B3GAT1: variants seen among roughly 807,000 people sequenced by gnomAD.
The protein encoded by B3GAT1 is beta-1,3-glucuronyltransferase 1.
In B3GAT1, 11 loss-of-function variants were observed where a neutral mutation model predicts 28.4. The ratio of observed to expected loss-of-function variants is 0.39; its 90% confidence interval spans 0.24 to 0.64. The LOEUF (loss-of-function observed/expected upper bound fraction) is 0.64, where lower values mean the gene tolerates loss of function less well. Among genes scored for constraint, B3GAT1 ranks in the 30% least tolerant of loss-of-function variants. The pLI is 0.50. For missense variants in B3GAT1, 375 were observed against 491.0 expected, an observed-to-expected ratio of 0.76 and a Z score of 2.23; for synonymous variants, 255 against 223.1, an observed-to-expected ratio of 1.14 and a Z score of -1.27.
intron 2 of B3GAT1, 128 bp from the exon 3 acceptor site, chr11:134,384,316 C>T (rs1944223263): frequency 8.0e-7 from 1 of 1,253,946 alleles, no homozygotes; most frequent in African/African-American, 1.5e-5. Context: ...CTCAGACCCC[C>T]GCCTTGCCTG....
rs547760357 is a variant in B3GAT1 at position 134,396,392 on chromosome 11, C to T, written c.-281-8452G>A. Among the ~76,000 whole-genome samples the T allele has an allele frequency of 4.6e-5, 7 of 152,278 alleles. No individual in the cohort carries two copies. In the South Asian group the frequency reaches 1.5e-3, roughly 32 times the overall value. Reference sequence around the variant, plus strand: ...AGCCACAGTCATAGCCTTCTGCCACCCCCCTGCCACCACCTCTTTGCTCTC... The same window carrying T: ...AGCCACAGTCATAGCCTTCTGCCACTCCCCTGCCACCACCTCTTTGCTCTC... On this transcript the variant is annotated intron_variant, in intron 1 of 5. Coordinates refer to ENST00000312527, the MANE Select transcript of B3GAT1 (RefSeq NM_054025.3).
intron 2 of B3GAT1, chr11:134,384,775 G>A (rs1054540570): frequency 2.0e-5 from 3 of 152,512 alleles, no homozygotes; most frequent in Admixed American, 2.0e-4. Flanking sequence ...CTGAATCTCG[G>A]TGCAGAACTT....
rs1156967338 is a variant in B3GAT1 at position 134,381,683 on chromosome 11, G to C, written c.*14+241C>G. On this transcript the variant is annotated intron_variant, in intron 5 of 5. Transcript: ENST00000312527. ...AGAAAAATCAGCAAGATGTTTGGAA[G>C]GTGACACCCTCTGAAGAGTCTGGTG... 7 of 490,048 alleles carry C rather than the reference G, an allele frequency of 1.4e-5. No homozygotes were observed. In the Admixed American group the frequency reaches 2.4e-4, roughly 17 times the overall value. 30.4% of individuals were successfully genotyped at this position (490,048 alleles called of 1,614,324 possible).
At position 134,412,208 on chromosome 11, in the gene B3GAT1, G is replaced by C. The variant is rs1460303788; in HGVS notation, c.-683C>G. Among the ~76,000 whole-genome samples the C allele has an allele frequency of 6.9e-6, 1 of 145,422 alleles. No homozygotes were observed. The highest frequency in any genetic ancestry group is 1.5e-5 in the Non-Finnish European group (1 of 65,474). ...GACCGGGCCGGCGCAGAGTCCCCGA[G>C]GTGGCGGCGGATGCGCCGGTGCCGC... On this transcript the variant is annotated 5_prime_UTR_variant, in exon 1 of 6. Coordinates refer to ENST00000312527, the MANE Select transcript of B3GAT1 (RefSeq NM_054025.3).
At chr11:134,398,442 A>AC (rs1421503735) in intron 1 of B3GAT1, among the ~76,000 whole-genome samples, 1 of 150,854 alleles carries the variant, frequency 6.6e-6, no homozygotes, top group African/African-American at 2.5e-5. Flanking sequence ...CTGCTCCTAA[A>AC]CCTACTAAAC....
At chr11:134,382,148 A>C (rs554274800) in intron 4 of B3GAT1, 124 bp from the exon 5 acceptor site, 2 of 745,642 alleles carry the variant, frequency 2.7e-6, no homozygotes, top group Non-Finnish European at 4.5e-6. Flanking sequence ...AGAGTTTTTC[A>C]ATTGTTCCAT....
Position 134,382,283 on chromosome 11 carries a change from A to G in B3GAT1, c.919-259T>C, listed in dbSNP as rs369614033. ...AAATGGGAAGTCTAGAACTACAGAAAAGAGAAGCCCCAAGACTTCCCAAGT... is the reference window on the plus strand; with the variant it reads ...AAATGGGAAGTCTAGAACTACAGAAGAGAGAAGCCCCAAGACTTCCCAAGT... On this transcript the variant is annotated intron_variant, in intron 4 of 5. Transcript: ENST00000312527. Among the ~76,000 whole-genome samples, 23 of 150,698 alleles carry G rather than the reference A, an allele frequency of 1.5e-4. No homozygotes were observed. In the East Asian group the frequency reaches 2.8e-3, roughly 18 times the overall value.
chr11:134,411,195 G>A lies in B3GAT1; in HGVS notation c.-282+612C>T, dbSNP rs2014799169. Among the ~76,000 whole-genome samples the A allele has an allele frequency of 6.6e-6, 1 of 152,164 alleles. No homozygotes were observed. Among genetic ancestry groups the A allele is most frequent in the African/African-American group, 2.4e-5 (1 of 41,428 alleles). ...GAAGTTGTGTGCTCTGACTTTGGAG[G>A]GATTGGGACCTCAGACCTGAGCCCA... On this transcript the variant is annotated intron_variant, in intron 1 of 5. Coordinates refer to ENST00000312527, the MANE Select transcript of B3GAT1 (RefSeq NM_054025.3). The surrounding 1 kb of genome is among the most constrained non-coding windows in gnomAD (Gnocchi z 6.0).
At chr11:134,399,398 G>T (rs955840220) in intron 1 of B3GAT1, among the ~76,000 whole-genome samples, 3 of 152,214 alleles carry the variant, frequency 2.0e-5, no homozygotes, top group Non-Finnish European at 4.4e-5. Flanking sequence ...GTTTGCTCAG[G>T]ACACCCATGG....
At chr11:134,406,595 T>C (rs1206426325) in intron 1 of B3GAT1, among the ~76,000 whole-genome samples, 1 of 152,116 alleles carries the variant, frequency 6.6e-6, no homozygotes, top group East Asian at 1.9e-4. Context: ...TTAAGTGAAT[T>C]GTTAAATAAA....
At chr11:134,402,637 GCA>G (rs1944641912) in intron 1 of B3GAT1, among the ~76,000 whole-genome samples, 1 of 152,324 alleles carries the variant, frequency 6.6e-6, no homozygotes, top group African/African-American at 2.4e-5. Flanking sequence ...ACTGGGTCAG[GCA>G]CAGTGACTCA....
chr11:134,386,392 C>A (rs1201129984), intron 2 of B3GAT1: 2 of 142,740 alleles, frequency 1.4e-5, no homozygotes, highest in African/African-American at 2.7e-5. Flanking sequence ...CCCACGTGAG[C>A]CTGTGCATGT....
intron 1 of B3GAT1, among the ~76,000 whole-genome samples, chr11:134,402,074 A>T (rs976247642): frequency 5.9e-5 from 9 of 151,794 alleles, no homozygotes; most frequent in Non-Finnish European, 1.0e-4. Flanking sequence ...GTGCCCCTGC[A>T]CAGGTGGACC....
chr11:134,383,764 C>G lies in B3GAT1; in HGVS notation c.537G>C (p.Glu179Asp). Residue 179 changes from glutamate to aspartate, a missense_variant, in exon 3 of 6, where the codon GAG becomes GAC. By Grantham distance (45) the Glu-to-Asp change is conservative. Coordinates refer to ENST00000312527, the MANE Select transcript of B3GAT1 (RefSeq NM_054025.3). ...QRNLALRWLR[E>D]TFPRNSSQPG... ...GCTGGCTGGAGTTGCGCGGGAAGGT[C>G]TCGCGCAGCCAGCGCAGGGCCAGGT... 1 of 1,596,676 alleles carries G rather than the reference C, an allele frequency of 6.3e-7. No individual in the cohort carries two copies. Among genetic ancestry groups the G allele is most frequent in the Non-Finnish European group, 8.5e-7 (1 of 1,170,820 alleles).
At chr11:134,384,427 A>G in intron 2 of B3GAT1, 1 of 515,430 alleles carries the variant, frequency 1.9e-6, no homozygotes, top group South Asian at 4.0e-5. Context: ...CCACCTTTGC[A>G]GCCCTCTAGC....
At position 134,412,126 on chromosome 11, in the gene B3GAT1, C is replaced by A. The variant is rs1172169120; in HGVS notation, c.-601G>T. 3.4e-4 allele frequency among the ~76,000 whole-genome samples: 7 copies of A among 20,576 alleles called. No individual in the cohort carries two copies. The highest frequency in any genetic ancestry group is 6.4e-4 in the Admixed American group (1 of 1,574). The allele number at this position is 20,576 out of a possible 152,430, so 13.5% of individuals were successfully genotyped here. A position where few individuals can be genotyped will look rare whatever the true frequency, so the allele number is the denominator to read the frequency against. On this transcript the variant is annotated 5_prime_UTR_variant, in exon 1 of 6. Coordinates refer to ENST00000312527, the MANE Select transcript of B3GAT1 (RefSeq NM_054025.3). The stretch of plus-strand genomic sequence containing the variant: ...GGGGAGGGGGAGCGGGGAGGGGGAG[C>A]GGGGAGCGGGCGCGGGGGCGAGAGG...
At chr11:134,404,408 T>C (rs771525125) in intron 1 of B3GAT1, among the ~76,000 whole-genome samples, 1 of 152,186 alleles carries the variant, frequency 6.6e-6, no homozygotes, top group Non-Finnish European at 1.5e-5. Flanking sequence ...TGCTGAACTG[T>C]GCACTTGAAA....
chr11:134,381,050 T>C (rs1944110575), intron 5 of B3GAT1, among the ~76,000 whole-genome samples: 1 of 152,134 alleles, frequency 6.6e-6, no homozygotes, highest in East Asian at 1.9e-4. Flanking sequence ...AGAGGACAAA[T>C]GTCTGTCTCA....
rs989848774 is a variant in B3GAT1, at chr11:134,387,536, G to A, written c.112+12C>T. ...GCCCAGCTGGGCAGGCAGGGCATGC[G>A]TGCGTGCTCACCCTTATGTACCGCG... is the stretch of plus-strand genomic sequence containing the variant. On this transcript the variant is annotated intron_variant, in intron 2 of 5. Transcript: ENST00000312527. 8.1e-6 allele frequency: 13 copies of A among 1,613,342 alleles called. No individual in the cohort carries two copies. Among genetic ancestry groups the A allele is most frequent in the African/African-American group, 4.0e-5 (3 of 74,934 alleles).
Sources: allele counts gnomAD v4.1 joint callset (sites outside exome capture counted in the v4.1 genomes callset), GRCh38; gene constraint gnomAD v4.1.1; non-coding constraint Gnocchi (gnomAD v3.1); transcripts MANE v1.5; gene names NCBI Gene and HGNC (gene_info 2026-07-23, HGNC 2026-07-21).